FAF1: variants seen among roughly 807,000 people sequenced by gnomAD.
FAF1 encodes Fas associated factor 1, also known as FAS-associated factor 1.
Under a neutral mutation model 92.5 loss-of-function variants are expected in FAF1, and 25 were observed. That is an observed-to-expected ratio of 0.27 (90% CI 0.20 to 0.38). The LOEUF (loss-of-function observed/expected upper bound fraction) is 0.38, where lower values mean the gene tolerates loss of function less well. Among genes scored for constraint, FAF1 ranks in the 10% least tolerant of loss-of-function variants. The pLI is 1.00. For missense variants in FAF1, 636 were observed against 793.3 expected, an observed-to-expected ratio of 0.80 and a Z score of 2.38; for synonymous variants, 234 against 273.2, an observed-to-expected ratio of 0.86 and a Z score of 1.42.
rs920989321 is a variant in FAF1 at position 50,905,289 on chromosome 1, A to T, written c.46-47292T>A. Reference sequence around the variant, plus strand: ...ATTTTCTTAATCCAGTCTATCATTGATGGACATTTGGGTTGGTTCCAAGTC... The same window carrying T: ...ATTTTCTTAATCCAGTCTATCATTGTTGGACATTTGGGTTGGTTCCAAGTC... On this transcript the variant is annotated intron_variant, in intron 1 of 18. Coordinates refer to ENST00000396153, the MANE Select transcript of FAF1 (RefSeq NM_007051.3). Among the ~76,000 whole-genome samples the T allele has an allele frequency of 1.6e-4, 24 of 152,266 alleles. 1 individual carries two copies. Among genetic ancestry groups the T allele is most frequent in the African/African-American group, 5.5e-4 (23 of 41,560 alleles).
intron 1 of FAF1, among the ~76,000 whole-genome samples, chr1:50,953,550 C>G (rs942568819): frequency 2.0e-5 from 3 of 151,960 alleles, no homozygotes; most frequent in African/African-American, 7.2e-5. Flanking sequence ...CCAGCCTGGC[C>G]AAGATGGCGA....
At chr1:50,902,878 G>T (rs1329709036) in intron 1 of FAF1, among the ~76,000 whole-genome samples, 1 of 152,014 alleles carries the variant, frequency 6.6e-6, no homozygotes, top group Non-Finnish European at 1.5e-5. Context: ...ATCTGGAAAT[G>T]CCGAACTCAA....
At chr1:50,624,378 A>G (rs1222584481) in intron 8 of FAF1, among the ~76,000 whole-genome samples, 1 of 152,034 alleles carries the variant, frequency 6.6e-6, no homozygotes, top group African/African-American at 2.4e-5. Flanking sequence ...CGAACTCCTG[A>G]CCTTGTGATC....
intron 13 of FAF1, among the ~76,000 whole-genome samples, chr1:50,540,058 G>A (rs1648689296): frequency 1.3e-5 from 2 of 151,488 alleles, no homozygotes; most frequent in Non-Finnish European, 2.9e-5. Context: ...TGAAACCCCC[G>A]CCTCCCGGGT....
intron 6 of FAF1, among the ~76,000 whole-genome samples, chr1:50,730,001 C>T (rs886212639): frequency 2.0e-5 from 3 of 151,946 alleles, no homozygotes; most frequent in African/African-American, 7.3e-5. Flanking sequence ...AGCCTGGTGA[C>T]AGAGAGAGAC....
chr1:50,828,825 T>C (rs975863023), intron 2 of FAF1, among the ~76,000 whole-genome samples: 2 of 152,078 alleles, frequency 1.3e-5, no homozygotes, highest in African/African-American at 4.8e-5. Flanking sequence ...ACACTAAAAT[T>C]AGTTATTCTT....
intron 14 of FAF1, among the ~76,000 whole-genome samples, chr1:50,537,848 G>C (rs993733693): frequency 4.6e-5 from 7 of 152,096 alleles, no homozygotes; most frequent in African/African-American, 1.7e-4. Context: ...TTGGAAAAGG[G>C]ACAAGTATTT....
At chr1:50,816,918 A>G (rs1255289773) in intron 2 of FAF1, among the ~76,000 whole-genome samples, 1 of 152,130 alleles carries the variant, frequency 6.6e-6, no homozygotes, top group Non-Finnish European at 1.5e-5. Context: ...CAGCTATCCT[A>G]GCACCATTTA....
intron 4 of FAF1, among the ~76,000 whole-genome samples, chr1:50,751,844 A>G (rs1041267055): frequency 1.8e-4 from 27 of 152,256 alleles, no homozygotes; most frequent in Non-Finnish European, 1.8e-4. Context: ...TTCATAAAAT[A>G]AATGAGGCAA....
intron 8 of FAF1, among the ~76,000 whole-genome samples, chr1:50,617,130 T>C (rs1652949029): frequency 2.6e-5 from 4 of 152,246 alleles, no homozygotes; most frequent in African/African-American, 9.6e-5. Flanking sequence ...ATGCCTTTCA[T>C]TTCTTTCTCT....
intron 2 of FAF1, among the ~76,000 whole-genome samples, chr1:50,853,401 C>T (rs921918221): frequency 3.9e-5 from 6 of 152,148 alleles, no homozygotes; most frequent in African/African-American, 4.8e-5. Context: ...AAATTATCTT[C>T]GAGGACTAAA....
intron 2 of FAF1, among the ~76,000 whole-genome samples, chr1:50,854,853 A>T (rs1256657961): frequency 6.6e-6 from 1 of 151,962 alleles, no homozygotes; most frequent in East Asian, 1.9e-4. Context: ...CAAAATCCAA[A>T]GTGCTCCAAA....
At chr1:50,885,324 A>ACACACACACACACACACACACACCCACT (rs1644651416) in intron 1 of FAF1, among the ~76,000 whole-genome samples, 1 of 102,214 alleles carries the variant, frequency 9.8e-6, no homozygotes, top group African/African-American at 3.5e-5. Context: ...ACACACACAC[A>ACACACACACACACACACACACACCCACT]CTCTCTCTCT....
intron 17 of FAF1, among the ~76,000 whole-genome samples, chr1:50,480,444 G>A (rs945071598): frequency 6.6e-6 from 1 of 152,140 alleles, no homozygotes; most frequent in Non-Finnish European, 1.5e-5. Context: ...GCTGGCTGAG[G>A]CACAGTGTTA....
chr1:50,902,136 T>A (rs535654757), intron 1 of FAF1, among the ~76,000 whole-genome samples: 12 of 152,336 alleles, frequency 7.9e-5, no homozygotes, highest in African/African-American at 2.9e-4. Context: ...ATAGAGGTGA[T>A]CAGTTGATTA....
chr1:50,544,885 G>T (rs1648935853), intron 13 of FAF1, among the ~76,000 whole-genome samples: 1 of 152,104 alleles, frequency 6.6e-6, no homozygotes, highest in Admixed American at 6.5e-5. Context: ...TAGAGAACAG[G>T]AAATAAAAGA....
chr1:50,475,593 G>C lies in FAF1; in HGVS notation c.1740C>G (p.Thr580=). The C allele has an allele frequency of 1.2e-6, 2 of 1,614,076 alleles. No homozygotes were observed. The highest frequency in any genetic ancestry group is 1.7e-6 in the Non-Finnish European group (2 of 1,179,986). Residue 580 remains threonine, a synonymous_variant, in exon 18 of 19, where the codon ACC becomes ACG. Coordinates refer to ENST00000396153, the MANE Select transcript of FAF1 (RefSeq NM_007051.3). ...AEPVSKLRIR[T]PSGEFLERRF... is the part of the protein sequence containing the mutation. The stretch of plus-strand genomic sequence containing the variant: ...GCCGCTCCAAGAACTCGCCACTGGG[G>C]GTCCGGATCCGCAGTTTGCTCACAG...
intron 8 of FAF1, among the ~76,000 whole-genome samples, chr1:50,642,660 TAATAA>T (rs1399302748): frequency 1.3e-5 from 2 of 152,016 alleles, no homozygotes; most frequent in Admixed American, 6.5e-5. Flanking sequence ...AAAATAATAA[TAATAA>T]AATAAAATAA....
intron 12 of FAF1, among the ~76,000 whole-genome samples, chr1:50,579,780 G>A (rs941348806): frequency 6.6e-6 from 1 of 152,044 alleles, no homozygotes; most frequent in Non-Finnish European, 1.5e-5. Flanking sequence ...GGGGAGAGAT[G>A]GTGCTTGCTT....
Sources: allele counts gnomAD v4.1 joint callset (sites outside exome capture counted in the v4.1 genomes callset), GRCh38; gene constraint gnomAD v4.1.1; transcripts MANE v1.5; gene names NCBI Gene and HGNC (gene_info 2026-07-23, HGNC 2026-07-21).